IKBKG: variants seen among roughly 807,000 people sequenced by gnomAD.
IKBKG encodes inhibitor of nuclear factor kappa B kinase regulatory subunit gamma.
A neutral mutation model predicts 13.7 loss-of-function variants in IKBKG; 2 were observed. The observed-to-expected ratio is 0.15, with a 90% CI of 0.06 to 0.46. IKBKG has a LOEUF of 0.46. Among genes scored for constraint, IKBKG ranks in the 20% least tolerant of loss-of-function variants. IKBKG has a pLI of 0.98. For synonymous variants in IKBKG, 22 were observed against 64.4 expected (o/e 0.34, Z 3.15); for missense variants, 53 against 150.3 (o/e 0.35, Z 3.39).
At chrX:154,546,845 C>T, upstream of IKBKG, 2 of 1,136,116 alleles carry the variant, frequency 1.8e-6, no homozygotes, top group Non-Finnish European at 2.3e-6. Context: ...ACGACCGTTT[C>T]CGGGGGCTGA....
chrX:154,551,845 G>A, intron 1 of IKBKG, 143 bp from the exon 2 acceptor site: 1 of 434,976 alleles, frequency 2.3e-6, no homozygotes, highest in Middle Eastern at 6.6e-4. Flanking sequence ...CTACCCCTTA[G>A]ACTGAAAACC....
chrX:154,551,885 T>C (rs2070942201), intron 1 of IKBKG, 103 bp from the exon 2 acceptor site: 1 of 599,969 alleles, frequency 1.7e-6, no homozygotes, highest in African/African-American at 2.3e-5. Flanking sequence ...ACTAGGTGAA[T>C]TATCAGCATT....
At chrX:154,542,065 C>T (rs1315747666) in intron 1 of IKBKG, among the ~76,000 whole-genome samples, 2 of 112,402 alleles carry the variant, frequency 1.8e-5, no homozygotes, top group African/African-American at 6.5e-5. Flanking sequence ...AACAAAAGGG[C>T]CTCCCTGCTA....
upstream of IKBKG, chrX:154,546,306 G>A: frequency 2.5e-6 from 2 of 808,542 alleles, no homozygotes; most frequent in Non-Finnish European, 3.6e-6. Flanking sequence ...GCTGGGCATT[G>A]GGGAGTGGTT....
At chrX:154,550,055 G>A (rs1244658882) in intron 1 of IKBKG, among the ~76,000 whole-genome samples, 1 of 111,149 alleles carries the variant, frequency 9.0e-6, no homozygotes, top group African/African-American at 3.3e-5. Flanking sequence ...CCCATTATTT[G>A]GAGGTGAATT....
upstream of IKBKG, chrX:154,542,456 A>C (rs1557232212): frequency 2.6e-6 from 3 of 1,174,345 alleles, no homozygotes; most frequent in East Asian, 9.5e-5. Context: ...GGGGGCAGTA[A>C]GTACCTCGGC....
At chrX:154,542,842 G>A (rs1194978793), upstream of IKBKG, among the ~76,000 whole-genome samples, 1 of 112,033 alleles carries the variant, frequency 8.9e-6, no homozygotes, top group Non-Finnish European at 1.9e-5. Flanking sequence ...TGAAACACAC[G>A]TCAGCCTGAA....
chrX:154,547,417 G>A (rs1183845221), upstream of IKBKG: 71 of 754,435 alleles, frequency 9.4e-5, no homozygotes, highest in Non-Finnish European at 1.1e-4. Flanking sequence ...AGAGACGAGG[G>A]GGCGTGTAGG....
upstream of IKBKG, chrX:154,542,574 T>G (rs2070546769): frequency 1.1e-6 from 1 of 930,148 alleles, no homozygotes; most frequent in Non-Finnish European, 1.4e-6. Context: ...TGTGGGCAAG[T>G]GTGAGGTAAG....
At chrX:154,543,212 G>C (rs1045680811), upstream of IKBKG, among the ~76,000 whole-genome samples, 2 of 112,546 alleles carry the variant, frequency 1.8e-5, no homozygotes, top group Admixed American at 1.9e-4. Flanking sequence ...CAGTGCTGGA[G>C]CTGGCACTTC....
chrX:154,547,294 G>C, upstream of IKBKG: 1 of 746,116 alleles, frequency 1.3e-6, no homozygotes, highest in Non-Finnish European at 1.6e-6. Flanking sequence ...CACTCCCCCG[G>C]GAACCCTCGC....
chrX:154,547,477 G>A (rs1056367818), upstream of IKBKG: 2 of 754,284 alleles, frequency 2.7e-6, no homozygotes, highest in African/African-American at 4.6e-5. Flanking sequence ...CCGAGCTTCC[G>A]CGGGCCTGCA....
upstream of IKBKG, chrX:154,546,249 C>G: frequency 8.9e-7 from 1 of 1,124,794 alleles, no homozygotes; most frequent in Non-Finnish European, 1.2e-6. Context: ...CCTCTGGGGT[C>G]TCACACCAGG....
At chrX:154,546,807 G>A (rs1443974834), upstream of IKBKG, 17 of 1,159,714 alleles carry the variant, frequency 1.5e-5, no homozygotes, top group Non-Finnish European at 1.8e-5. Flanking sequence ...CGTCGTCGTC[G>A]CCCTCCGCGC....
Position 154,552,134 on chromosome X carries a change from A to G in IKBKG, c.132A>G (p.Glu44=). The G allele has an allele frequency of 8.4e-7, 1 of 1,196,289 alleles. No individual in the cohort carries two copies. Among genetic ancestry groups the G allele is most frequent in the South Asian group, 1.8e-5 (1 of 55,467 alleles). The change falls in exon 2 of 10, where the codon GAA becomes GAG. Residue 44 remains glutamate (E), a synonymous_variant. Transcript: ENST00000594239. ...GKPAMLHLPS[E]QGAPETLQRC... is the part of the protein sequence containing the mutation. ...CAGCCATGCTGCACCTGCCTTCAGA[A>G]CAGGGCGCTCCTGAGACCCTCCAGC...
upstream of IKBKG, chrX:154,546,139 G>A (rs1557233216): frequency 8.3e-7 from 1 of 1,211,866 alleles, no homozygotes; most frequent in Non-Finnish European, 1.1e-6. Context: ...CCGGCTCAGG[G>A]CCACCTGCTC....
rs2070949821 is a variant in IKBKG, at chrX:154,552,124, T to G, written c.122T>G (p.Leu41Arg). ...CTGGGGAAGCCAGCCATGCTGCACC[T>G]GCCTTCAGAACAGGGCGCTCCTGAG... The part of the protein sequence containing the change: ...SPLGKPAMLH[L>R]PSEQGAPETL... The change falls in exon 2 of 10, where the codon CTG becomes CGG. Residue 41 changes from leucine (L) to arginine (R), a missense_variant. Leu to Arg is a moderately radical substitution (Grantham distance 102, BLOSUM62 -2). Coordinates refer to ENST00000594239, the MANE Select transcript of IKBKG (RefSeq NM_001099857.5). 8.3e-7 allele frequency: 1 copy of G among 1,197,626 alleles called. No individual in the cohort carries two copies. Among genetic ancestry groups the G allele is most frequent in the Admixed American group, 2.2e-5 (1 of 45,414 alleles).
At chrX:154,551,378 G>A (rs1045851733) in intron 1 of IKBKG, among the ~76,000 whole-genome samples, 11 of 110,521 alleles carry the variant, frequency 1.0e-4, no homozygotes, top group African/African-American at 3.6e-4. Flanking sequence ...TTTATTCCTG[G>A]GCTTGTGGCT....
At chrX:154,555,897 G>A (rs1411836219) in intron 2 of IKBKG, among the ~76,000 whole-genome samples, 1 of 112,787 alleles carries the variant, frequency 8.9e-6, no homozygotes, top group African/African-American at 3.2e-5. Flanking sequence ...ACTTTTAAGT[G>A]AAGCTGATGT....
Sources: gnomAD v4.1 joint callset for allele counts (sites outside exome capture counted in the v4.1 genomes callset) on GRCh38, gnomAD v4.1.1 for gene constraint, MANE v1.5 for transcripts, NCBI Gene and HGNC (gene_info 2026-07-23, HGNC 2026-07-21) for gene names.